The following FRS2 variants were observed in gnomAD, a reference collection of about 807,000 sequenced individuals.
The protein encoded by FRS2 is FGFR signalling adaptor.
FRS2 carries 8 observed loss-of-function variants against 43.9 expected under a neutral mutation model. The ratio of observed to expected loss-of-function variants is 0.18; its 90% confidence interval spans 0.11 to 0.33. The LOEUF (loss-of-function observed/expected upper bound fraction) is 0.33. FRS2 is among the 10% of genes least tolerant of loss of function. The pLI is 1.00. For synonymous variants in FRS2, 219 were observed against 220.3 expected, an observed-to-expected ratio of 0.99 and a Z score of 0.05; for missense variants, 534 against 627.6, an observed-to-expected ratio of 0.85 and a Z score of 1.59.
At chr12:69,547,140 A>C (rs913234026) in intron 3 of FRS2, among the ~76,000 whole-genome samples, 2 of 152,228 alleles carry the variant, frequency 1.3e-5, no homozygotes, top group Non-Finnish European at 2.9e-5. Context: ...ATGTGATTCT[A>C]CTTATGTGAA....
chr12:69,499,734 AT>A lies in FRS2; in HGVS notation c.-261+29206del, dbSNP rs1314876569. 2.4e-5 allele frequency among the ~76,000 whole-genome samples: 3 copies of A among 127,622 alleles called. No individual in the cohort carries two copies. In the East Asian group the frequency reaches 8.2e-4, roughly 35 times the overall value. 83.7% of individuals were successfully genotyped at this position (127,622 alleles called of 152,430 possible). The stretch of plus-strand genomic sequence containing the variant: ...TCACAGGTAGCTTCTAGATTTTTAG[AT>A]TGTGTGAATGGTTATATAGGAGAAT... On this transcript the variant is annotated intron_variant, in intron 1 of 8. Transcript: ENST00000549921.
At chr12:69,552,924 A>C (rs1409909838) in intron 3 of FRS2, among the ~76,000 whole-genome samples, 2 of 152,070 alleles carry the variant, frequency 1.3e-5, no homozygotes, top group Non-Finnish European at 2.9e-5. Context: ...AAAGGAATGC[A>C]TATAAATGTT....
At chr12:69,512,539 A>G (rs899881392) in intron 1 of FRS2, among the ~76,000 whole-genome samples, 2 of 152,194 alleles carry the variant, frequency 1.3e-5, no homozygotes, top group African/African-American at 4.8e-5. Context: ...TATCTTTATA[A>G]GGTGAGTGGA....
chr12:69,496,969 A>G (rs890508135), intron 1 of FRS2, among the ~76,000 whole-genome samples: 6 of 152,234 alleles, frequency 3.9e-5, no homozygotes, highest in Admixed American at 2.6e-4. Flanking sequence ...AAATGTATGA[A>G]AGAGGAAATG....
At chr12:69,504,070 A>G (rs552778575) in intron 1 of FRS2, among the ~76,000 whole-genome samples, 8 of 152,308 alleles carry the variant, frequency 5.3e-5, no homozygotes, top group South Asian at 4.1e-4. Flanking sequence ...TTGCATGCCT[A>G]TGTACCTGAC....
intron 1 of FRS2, among the ~76,000 whole-genome samples, chr12:69,514,919 T>C (rs1592968810): frequency 6.6e-6 from 1 of 152,012 alleles, no homozygotes; most frequent in African/African-American, 2.4e-5. Context: ...GCAGGAGAAG[T>C]TCAAGCAGAC....
At chr12:69,476,452 T>G (rs769852475) in intron 1 of FRS2, among the ~76,000 whole-genome samples, 5 of 152,164 alleles carry the variant, frequency 3.3e-5, no homozygotes, top group Admixed American at 6.6e-5. Flanking sequence ...TTTGACATAG[T>G]GAAGCAGCAG....
intron 1 of FRS2, among the ~76,000 whole-genome samples, chr12:69,482,182 G>T (rs1370604648): frequency 1.3e-5 from 2 of 152,126 alleles, no homozygotes; most frequent in Non-Finnish European, 1.5e-5. Context: ...AGATTTGTTA[G>T]ATCAAGAAGT....
At chr12:69,557,154 C>T (rs902789548) in intron 3 of FRS2, among the ~76,000 whole-genome samples, 35 of 152,074 alleles carry the variant, frequency 2.3e-4, no homozygotes, top group African/African-American at 7.5e-4. Flanking sequence ...TCTGTCCCTG[C>T]TAAGGGATTA....
intron 4 of FRS2, among the ~76,000 whole-genome samples, chr12:69,563,583 C>T (rs1593061032): frequency 6.6e-6 from 1 of 152,298 alleles, no homozygotes; most frequent in South Asian, 2.1e-4. Flanking sequence ...GTTGAACTGT[C>T]TATCCTGTGG....
At chr12:69,503,312 T>C (rs943953803) in intron 1 of FRS2, among the ~76,000 whole-genome samples, 5 of 152,210 alleles carry the variant, frequency 3.3e-5, no homozygotes, top group African/African-American at 1.2e-4. Context: ...CTCTCTGACT[T>C]CTGTCTTCTA....
chr12:69,471,250 T>G (rs1381588822), intron 1 of FRS2, among the ~76,000 whole-genome samples: 1 of 152,110 alleles, frequency 6.6e-6, no homozygotes, highest in Admixed American at 6.6e-5. Context: ...CCCCCGCCTT[T>G]TTTTGCAGAC....
chr12:69,476,610 T>C (rs1200882019), intron 1 of FRS2, among the ~76,000 whole-genome samples: 4 of 152,106 alleles, frequency 2.6e-5, no homozygotes, highest in African/African-American at 9.7e-5. Flanking sequence ...TAATGGGTTA[T>C]GTAAGTGGAG....
At chr12:69,538,859 CTA>C (rs1490416681) in intron 3 of FRS2, among the ~76,000 whole-genome samples, 1 of 152,126 alleles carries the variant, frequency 6.6e-6, no homozygotes, top group Non-Finnish European at 1.5e-5. Flanking sequence ...TAGTCGTAGT[CTA>C]TTCTCCATGA....
chr12:69,520,572 C>G (rs1363834150), intron 1 of FRS2, among the ~76,000 whole-genome samples: 1 of 151,962 alleles, frequency 6.6e-6, no homozygotes, highest in East Asian at 1.9e-4. Context: ...AGTTTTTAAT[C>G]CCTCTTGAGT....
Position 69,572,115 on chromosome 12 carries a change from C to A in FRS2, c.413-3C>A. ...TTCCTTAAACCAATAAACAAAAACT[C>A]AGCTCCAGGATTTGCTGCTCAGAAC... On this transcript the variant is annotated splice_polypyrimidine_tract_variant and splice_region_variant and intron_variant, in intron 7 of 8. Transcript: ENST00000549921. The A allele has an allele frequency of 1.9e-6, 3 of 1,612,128 alleles. No individual in the cohort carries two copies. The highest frequency in any genetic ancestry group is 2.5e-6 in the Non-Finnish European group (3 of 1,178,776).
intron 3 of FRS2, among the ~76,000 whole-genome samples, chr12:69,536,265 C>A (rs760101488): frequency 7.3e-5 from 11 of 151,514 alleles, no homozygotes; most frequent in Non-Finnish European, 1.5e-4. Flanking sequence ...GCTGGGATTA[C>A]GTGTGTGCAC....
intron 1 of FRS2, among the ~76,000 whole-genome samples, chr12:69,496,916 T>A (rs1363058179): frequency 6.6e-6 from 1 of 152,222 alleles, no homozygotes; most frequent in Non-Finnish European, 1.5e-5. Context: ...ACACACTCTG[T>A]CTCTTAATCC....
chr12:69,570,537 TC>T lies in FRS2; in HGVS notation c.253+23del. 1 of 1,450,702 alleles carries T rather than the reference TC, an allele frequency of 6.9e-7. No homozygotes were observed. The highest frequency in any genetic ancestry group is 9.6e-7 in the Non-Finnish European group (1 of 1,036,686). The allele number at this position is 1,450,702 out of a possible 1,614,324, so 89.9% of individuals were successfully genotyped here. On this transcript the variant is annotated intron_variant, in intron 6 of 8. Transcript: ENST00000549921. ...GACAAGGTAGAACCTTTGTTTTTTT[TC>T]CCAAATATTGTATTTGAAATTGTTT...
Sources: gnomAD v4.1 joint callset for allele counts (sites outside exome capture counted in the v4.1 genomes callset) on GRCh38, gnomAD v4.1.1 for gene constraint, MANE v1.5 for transcripts, NCBI Gene and HGNC (gene_info 2026-07-23, HGNC 2026-07-21) for gene names.